The following WWOX variants were observed in gnomAD, a reference collection of about 807,000 sequenced individuals.
The protein encoded by WWOX is WW domain-containing oxidoreductase.
Under a neutral mutation model 46.2 loss-of-function variants are expected in WWOX, and 69 were observed. That is an observed-to-expected ratio of 1.49 (90% CI 1.23 to 1.82). The LOEUF is 1.82. WWOX is among the 40% of genes most tolerant of loss of function. The pLI, the probability that WWOX is intolerant of heterozygous loss-of-function variation, is 0.00. For missense variants in WWOX, 919 were observed against 542.6 expected, an observed-to-expected ratio of 1.69 and a Z score of -6.89; for synonymous variants, 359 against 202.6, an observed-to-expected ratio of 1.77 and a Z score of -6.56.
intron 8 of WWOX, among the ~76,000 whole-genome samples, chr16:78,950,553 C>CAG (rs2046039636): frequency 1.3e-5 from 2 of 151,662 alleles, no homozygotes; most frequent in Admixed American, 6.6e-5. Context: ...CACACACACA[C>CAG]ACACACACAC....
chr16:78,841,627 C>T (rs1597704920), intron 8 of WWOX, among the ~76,000 whole-genome samples: 1 of 152,130 alleles, frequency 6.6e-6, no homozygotes, highest in Non-Finnish European at 1.5e-5. Flanking sequence ...ATTAACAAAA[C>T]TCTGGCGAAT....
chr16:78,664,080 G>GACA (rs1022948005), intron 8 of WWOX, among the ~76,000 whole-genome samples: 11 of 152,208 alleles, frequency 7.2e-5, no homozygotes, highest in Non-Finnish European at 2.9e-5. Context: ...CCATGAGGAG[G>GACA]ACAATGCGTA....
intron 8 of WWOX, among the ~76,000 whole-genome samples, chr16:78,557,561 A>G (rs913511626): frequency 2.6e-5 from 4 of 152,262 alleles, no homozygotes; most frequent in African/African-American, 7.2e-5. Flanking sequence ...TGAGTTTCCA[A>G]GAAGGGAGTG....
chr16:78,593,310 G>A (rs1282732130), intron 8 of WWOX, among the ~76,000 whole-genome samples: 1 of 152,014 alleles, frequency 6.6e-6, no homozygotes, highest in East Asian at 1.9e-4. Flanking sequence ...CAAAGTGCTG[G>A]GATTATAGGC....
intron 8 of WWOX, among the ~76,000 whole-genome samples, chr16:79,021,150 A>G (rs1295834135): frequency 6.6e-6 from 1 of 152,204 alleles, no homozygotes; most frequent in Non-Finnish European, 1.5e-5. Context: ...TGAATGAATG[A>G]ATTCGTGAAT....
At chr16:78,973,264 C>G (rs551500408) in intron 8 of WWOX, among the ~76,000 whole-genome samples, 5 of 152,090 alleles carry the variant, frequency 3.3e-5, no homozygotes, top group Admixed American at 6.6e-5. Context: ...GTAATTAAGC[C>G]GCTTTGCAGA....
At chr16:78,223,018 C>G (rs979363584) in intron 5 of WWOX, among the ~76,000 whole-genome samples, 5 of 152,162 alleles carry the variant, frequency 3.3e-5, no homozygotes, top group Admixed American at 1.3e-4. Context: ...CCCTTTCAGT[C>G]TCAGGAGATT....
intron 5 of WWOX, among the ~76,000 whole-genome samples, chr16:78,261,785 T>TAG (rs1343869570): frequency 1.9e-3 from 81 of 42,276 alleles, no homozygotes; most frequent in African/African-American, 1.0e-2. Context: ...TCTATCTATC[T>TAG]ATCTATATAT....
chr16:78,222,034 G>C (rs762651843), intron 5 of WWOX, among the ~76,000 whole-genome samples: 7 of 152,148 alleles, frequency 4.6e-5, no homozygotes, highest in Non-Finnish European at 8.8e-5. Context: ...GTCAAGGCCT[G>C]TGGGCTCCTA....
intron 8 of WWOX, among the ~76,000 whole-genome samples, chr16:78,475,637 C>G (rs560054103): frequency 6.6e-6 from 1 of 151,952 alleles, no homozygotes; most frequent in African/African-American, 2.4e-5. Flanking sequence ...CGTCTGTTAC[C>G]CAGGCTGGAG....
chr16:79,179,128 A>G (rs2050859454), intron 8 of WWOX, among the ~76,000 whole-genome samples: 1 of 152,212 alleles, frequency 6.6e-6, no homozygotes, highest in South Asian at 2.1e-4. Flanking sequence ...GAAACTCATC[A>G]TCTCATTTAA....
chr16:78,986,493 G>C (rs2046787382), intron 8 of WWOX, among the ~76,000 whole-genome samples: 1 of 152,308 alleles, frequency 6.6e-6, no homozygotes, highest in East Asian at 1.9e-4. Context: ...TTGGATTTTA[G>C]TGGATTTTCT....
chr16:78,947,057 T>C (rs1297482315), intron 8 of WWOX, among the ~76,000 whole-genome samples: 3 of 92,132 alleles, frequency 3.3e-5, no homozygotes, highest in Non-Finnish European at 8.3e-5. Context: ...AAAAGAAAGT[T>C]TCTTTTTTTA....
At chr16:78,426,746 T>C (rs4073162) in intron 7 of WWOX, among the ~76,000 whole-genome samples, 25,929 of 152,032 alleles carry the variant, frequency 0.17, 2,893 homozygotes, top group East Asian at 0.3. Flanking sequence ...TCACCACAAC[T>C]TCAGACTCCC....
At chr16:78,640,387 G>C (rs1266023536) in intron 8 of WWOX, among the ~76,000 whole-genome samples, 2 of 151,974 alleles carry the variant, frequency 1.3e-5, no homozygotes, top group Non-Finnish European at 2.9e-5. Flanking sequence ...CTAGAATCCT[G>C]GTGTTCAGAA....
At chr16:79,040,757 G>A (rs529797595) in intron 8 of WWOX, among the ~76,000 whole-genome samples, 3 of 152,014 alleles carry the variant, frequency 2.0e-5, no homozygotes, top group Non-Finnish European at 4.4e-5. Context: ...TGTCAGCCAG[G>A]GAACCTGACA....
At chr16:78,254,912 T>C (rs1198816820) in intron 5 of WWOX, among the ~76,000 whole-genome samples, 1 of 152,192 alleles carries the variant, frequency 6.6e-6, no homozygotes, top group Non-Finnish European at 1.5e-5. Flanking sequence ...GAAAACCCAC[T>C]GTCTGCCCAG....
At chr16:79,091,130 C>G (rs974678461) in intron 8 of WWOX, among the ~76,000 whole-genome samples, 4 of 152,142 alleles carry the variant, frequency 2.6e-5, no homozygotes, top group African/African-American at 9.7e-5. Context: ...GGGAGGCTCT[C>G]GAGGTTTTAT....
At chr16:78,406,312 AT>A (rs2082536305) in intron 6 of WWOX, among the ~76,000 whole-genome samples, 5 of 39,358 alleles carry the variant, frequency 1.3e-4, no homozygotes, top group Non-Finnish European at 2.0e-4. Context: ...AAATATATAT[AT>A]ATATATATAT....
Sources: allele counts gnomAD v4.1 joint callset (sites outside exome capture counted in the v4.1 genomes callset), GRCh38; gene constraint gnomAD v4.1.1; transcripts MANE v1.5; gene names NCBI Gene and HGNC (gene_info 2026-07-23, HGNC 2026-07-21).